PYROXD2: variants seen among roughly 807,000 people sequenced by gnomAD.
PYROXD2 encodes the protein pyridine nucleotide-disulphide oxidoreductase domain 2.
PYROXD2 carries 69 observed loss-of-function variants against 71.1 expected under a neutral mutation model. The ratio of observed to expected loss-of-function variants is 0.97; its 90% CI spans 0.80 to 1.19. PYROXD2 has a LOEUF of 1.19. Ranked by LOEUF, PYROXD2 falls within the 50% of genes most tolerant of loss-of-function variation. PYROXD2 has a pLI of 0.00. For missense variants in PYROXD2, 745 were observed against 748.9 expected, an observed-to-expected ratio of 0.99 and a Z score of 0.06; for synonymous variants, 287 against 302.7, an observed-to-expected ratio of 0.95 and a Z score of 0.54.
intron 2 of PYROXD2, among the ~76,000 whole-genome samples, chr10:98,409,852 C>T (rs1461590038): frequency 1.3e-5 from 2 of 152,064 alleles, no homozygotes; most frequent in Admixed American, 6.5e-5. Context: ...CTGAGGCAGG[C>T]GGGTCACCTG....
At position 98,383,978 on chromosome 10, in the gene PYROXD2, A is replaced by G. The variant is rs1842669057; in HGVS notation, c.1676-110T>C. 3 of 960,176 alleles carry G rather than the reference A, an allele frequency of 3.1e-6. No individual in the cohort carries two copies. The Admixed American group carries it at 5.2e-5, about 17-fold the overall frequency. The allele number at this position is 960,176 out of a possible 1,614,324, so 59.5% of individuals were successfully genotyped here. ...AACAAAGCAGAGTGGGGCTGGTTAGAGGGGTCCGGGGGCATGGGCACTGGA... is the reference window on the plus strand; with the variant it reads ...AACAAAGCAGAGTGGGGCTGGTTAGGGGGGTCCGGGGGCATGGGCACTGGA... On this transcript the variant is annotated intron_variant, in intron 15 of 15. Transcript: ENST00000370575.
At chr10:98,392,679 C>T in intron 9 of PYROXD2, 113 bp from the exon 10 acceptor site, 2 of 1,502,882 alleles carry the variant, frequency 1.3e-6, no homozygotes. Flanking sequence ...TTCTTCATCC[C>T]AAACCCATCC....
chr10:98,414,038 A>C (rs1360712863), intron 1 of PYROXD2: 1 of 152,088 alleles, frequency 6.6e-6, no homozygotes, highest in South Asian at 2.1e-4. Flanking sequence ...GTATATGTGT[A>C]TATATATGTA....
intron 12 of PYROXD2, among the ~76,000 whole-genome samples, chr10:98,389,767 T>C (rs1055776822): frequency 7.2e-5 from 11 of 152,198 alleles, no homozygotes; most frequent in African/African-American, 2.2e-4. Flanking sequence ...ACAGTGCTCA[T>C]CATCAGTGCT....
chr10:98,388,274 G>A lies in PYROXD2; in HGVS notation c.1447+80C>T, dbSNP rs1350458369. On this transcript the variant is annotated intron_variant, in intron 13 of 15. Transcript: ENST00000370575. ...GCACCTGCAGTTGTCAATCCTGAATGGGGCAGTGAGGAGGAGCAGGCCCAG... is the reference window on the plus strand; with the variant it reads ...GCACCTGCAGTTGTCAATCCTGAATAGGGCAGTGAGGAGGAGCAGGCCCAG... 6 of 1,404,202 alleles carry A rather than the reference G, an allele frequency of 4.3e-6. No homozygotes were observed. The East Asian group carries it at 6.9e-5, about 16-fold the overall frequency. The allele number at this position is 1,404,202 out of a possible 1,614,324, so 87.0% of individuals were successfully genotyped here.
chr10:98,407,577 C>A lies in PYROXD2; in HGVS notation c.315+5G>T, dbSNP rs772261311. The A allele has an allele frequency of 5.0e-6, 8 of 1,613,434 alleles. No individual in the cohort carries two copies. In the Admixed American group the frequency reaches 1.2e-4, roughly 24 times the overall value. On this transcript the variant is annotated splice_donor_5th_base_variant and intron_variant, in intron 4 of 15. Transcript: ENST00000370575. ...CGTGCAATCGGGCCGGCGGGGGGGCCCTACCTTCAGCTCCAGATCAGTGTA... is the reference window on the plus strand; with the variant it reads ...CGTGCAATCGGGCCGGCGGGGGGGCACTACCTTCAGCTCCAGATCAGTGTA...
At chr10:98,392,824 AC>A (rs1842992126) in intron 9 of PYROXD2, 117 bp downstream of exon 9, 1 of 1,263,694 alleles carries the variant, frequency 7.9e-7, no homozygotes. Context: ...TGATTCTGCA[AC>A]CCATCCCCTC....
intron 2 of PYROXD2, chr10:98,410,724 G>A (rs1843755193): frequency 3.2e-6 from 2 of 632,714 alleles, no homozygotes; most frequent in Non-Finnish European, 5.3e-6. Flanking sequence ...ATTAGGGGAA[G>A]GGGAGGAAAG....
intron 1 of PYROXD2, among the ~76,000 whole-genome samples, chr10:98,412,791 T>C (rs774470132): frequency 2.6e-5 from 4 of 152,134 alleles, no homozygotes; most frequent in African/African-American, 9.7e-5. Flanking sequence ...CTCGCACTTG[T>C]AGGCAAGTCA....
chr10:98,407,843 G>A lies in PYROXD2; in HGVS notation c.241+61C>T. ...GGAGACCGTCACCCGGGGTCAGCAG[G>A]GATGGAGACTGTCACCCTGAGTCAC... On this transcript the variant is annotated intron_variant, in intron 3 of 15. Coordinates refer to ENST00000370575, the MANE Select transcript of PYROXD2 (RefSeq NM_032709.3). 2 of 1,513,786 alleles carry A rather than the reference G, an allele frequency of 1.3e-6. 1 individual carries two copies. Among genetic ancestry groups the A allele is most frequent in the Admixed American group, 4.0e-5 (2 of 50,366 alleles). 93.8% of individuals were successfully genotyped at this position (1,513,786 alleles called of 1,614,324 possible).
chr10:98,391,392 G>A (rs1046874616), intron 10 of PYROXD2, among the ~76,000 whole-genome samples: 1 of 152,118 alleles, frequency 6.6e-6, no homozygotes, highest in African/African-American at 2.4e-5. Context: ...TGGAAGCCTC[G>A]ACGATCTCAG....
intron 5 of PYROXD2, among the ~76,000 whole-genome samples, chr10:98,398,049 A>G (rs1172249968): frequency 6.6e-6 from 1 of 151,552 alleles, no homozygotes; most frequent in Non-Finnish European, 1.5e-5. Flanking sequence ...CGCCCGGCTA[A>G]TTTTTGTATT....
At chr10:98,395,565 T>C in intron 6 of PYROXD2, 113 bp from the exon 7 acceptor site, 1 of 880,570 alleles carries the variant, frequency 1.1e-6, no homozygotes, top group African/African-American at 1.6e-5. Context: ...CAGGAGGTGG[T>C]ATAGCACAGC....
chr10:98,406,294 C>CCA (rs879669854), intron 4 of PYROXD2, among the ~76,000 whole-genome samples: 1 of 152,180 alleles, frequency 6.6e-6, no homozygotes, highest in African/African-American at 2.4e-5. Context: ...GTGAAAATGT[C>CCA]CATTCTGTGA....
chr10:98,388,578 T>C, intron 12 of PYROXD2, 70 bp from the exon 13 acceptor site: 1 of 1,426,144 alleles, frequency 7.0e-7, no homozygotes, highest in South Asian at 1.5e-5. Context: ...CCGAGATGAC[T>C]TGGGACACAG....
In PYROXD2 at chr10:98,392,443, G is replaced by C; in HGVS notation, c.1051C>G (p.Leu351Val). The C allele has an allele frequency of 6.2e-7, 1 of 1,613,622 alleles. No homozygotes were observed. The highest frequency in any genetic ancestry group is 8.5e-7 in the Non-Finnish European group (1 of 1,180,006). The stretch of plus-strand genomic sequence containing the variant: ...GCCCACAGCCTCACCTGTGGCGTCA[G>C]CTTCAGGAAGGTGATCTGCGGTGAT... ...NTSPQITFLK[L>V]TPQEWLPEEF... Residue 351 changes from leucine to valine, a missense_variant, in exon 10 of 16, where the codon CTG becomes GTG. Physicochemically the swap from Leu to Val is conservative, Grantham distance 32 (BLOSUM62 1). Transcript: ENST00000370575.
At chr10:98,401,683 T>C (rs1843416508) in intron 4 of PYROXD2, among the ~76,000 whole-genome samples, 1 of 152,238 alleles carries the variant, frequency 6.6e-6, no homozygotes. Context: ...TTTTACTTTA[T>C]AACCTTTTTT....
chr10:98,409,029 C>T (rs962808948), intron 2 of PYROXD2, among the ~76,000 whole-genome samples: 4 of 152,204 alleles, frequency 2.6e-5, no homozygotes, highest in African/African-American at 4.8e-5. Flanking sequence ...AACATAACCT[C>T]CTATCATAAC....
In PYROXD2 at chr10:98,410,970, C is replaced by T. The variant is rs193136591; in HGVS notation, c.128-12G>A. On this transcript the variant is annotated splice_polypyrimidine_tract_variant and intron_variant, in intron 1 of 15. Transcript: ENST00000370575. The stretch of plus-strand genomic sequence containing the variant: ...CAGTCCGTTGTGTCCTGCAACAAAA[C>T]GGGACAGGGAAGGAAAACATCACTG... 4.9e-3 allele frequency: 7,655 copies of T among 1,561,534 alleles called. 23 individuals carry two copies. The highest frequency in any genetic ancestry group is 6.1e-3 in the Non-Finnish European group (7,074 of 1,152,020).
Sources: allele counts gnomAD v4.1 joint callset (sites outside exome capture counted in the v4.1 genomes callset), GRCh38; gene constraint gnomAD v4.1.1; transcripts MANE v1.5; gene names NCBI Gene and HGNC (gene_info 2026-07-23, HGNC 2026-07-21).